The following RAD51B variants were observed in gnomAD, a reference collection of about 807,000 sequenced individuals.
The protein encoded by RAD51B is DNA repair protein RAD51 homolog 2.
In RAD51B, 38 loss-of-function variants were observed where a neutral mutation model predicts 42.2. The ratio of observed to expected loss-of-function variants is 0.90; its 90% CI spans 0.70 to 1.18. The LOEUF is 1.18. RAD51B is among the 50% of genes most tolerant of loss of function. The pLI, the probability that RAD51B is intolerant of heterozygous loss-of-function variation, is 0.00. For missense variants in RAD51B, 373 were observed against 400.7 expected (o/e 0.93, Z 0.59); for synonymous variants, 154 against 145.2 (o/e 1.06, Z -0.43).
intron 11 of RAD51B, among the ~76,000 whole-genome samples, chr14:68,672,206 T>G (rs1200847832): frequency 1.3e-5 from 2 of 152,208 alleles, no homozygotes; most frequent in African/African-American, 2.4e-5. Flanking sequence ...CTGTAACCCC[T>G]GGAACTTTCC....
chr14:67,855,630 A>G (rs2041968981), intron 4 of RAD51B, among the ~76,000 whole-genome samples: 1 of 152,254 alleles, frequency 6.6e-6, no homozygotes, highest in East Asian at 1.9e-4. Context: ...TCAAATGCCT[A>G]TAAGCACGAG....
chr14:68,436,333 T>C (rs2085147338), intron 9 of RAD51B, among the ~76,000 whole-genome samples: 1 of 152,218 alleles, frequency 6.6e-6, no homozygotes, highest in Admixed American at 6.5e-5. Flanking sequence ...TGACTGTAGG[T>C]GTGCAGCTTT....
chr14:68,353,298 T>C (rs764376163), intron 8 of RAD51B, among the ~76,000 whole-genome samples: 2 of 152,126 alleles, frequency 1.3e-5, no homozygotes, highest in African/African-American at 4.8e-5. Context: ...AAGTAATGCA[T>C]TGGGGGTAAT....
chr14:68,363,573 T>C (rs1454773894), intron 8 of RAD51B, among the ~76,000 whole-genome samples: 1 of 152,192 alleles, frequency 6.6e-6, no homozygotes, highest in African/African-American at 2.4e-5. Context: ...TGTGCAGGGC[T>C]CTCCTGCGGC....
At chr14:68,419,429 GA>G (rs34027518) in intron 9 of RAD51B, among the ~76,000 whole-genome samples, 38 of 148,210 alleles carry the variant, frequency 2.6e-4, no homozygotes, top group African/African-American at 4.4e-4. Flanking sequence ...AACTGTGCAG[GA>G]AAAAAAAAAA....
intron 10 of RAD51B, among the ~76,000 whole-genome samples, chr14:68,569,745 C>T (rs760946048): frequency 6.6e-6 from 1 of 152,182 alleles, no homozygotes; most frequent in Non-Finnish European, 1.5e-5. Flanking sequence ...CACGGGCTCT[C>T]GGGTTTGCCA....
chr14:68,427,354 G>A (rs1005908403), intron 9 of RAD51B, among the ~76,000 whole-genome samples: 1 of 152,202 alleles, frequency 6.6e-6, no homozygotes, highest in Non-Finnish European at 1.5e-5. Flanking sequence ...GAAGCAGCAA[G>A]ACTAACCCGT....
downstream of RAD51B, among the ~76,000 whole-genome samples, chr14:68,615,365 A>G (rs577071945): frequency 2.0e-5 from 3 of 149,426 alleles, no homozygotes; most frequent in Non-Finnish European, 4.4e-5. Flanking sequence ...TTTTTTTTTG[A>G]GACGGAGTCT....
chr14:67,850,611 C>T (rs944706028), intron 4 of RAD51B, among the ~76,000 whole-genome samples: 1 of 152,146 alleles, frequency 6.6e-6, no homozygotes, highest in Non-Finnish European at 1.5e-5. Flanking sequence ...AGGTGATAGG[C>T]TAGACTGTGG....
At chr14:68,508,473 C>T (rs1885495228) in intron 10 of RAD51B, among the ~76,000 whole-genome samples, 1 of 152,238 alleles carries the variant, frequency 6.6e-6, no homozygotes, top group Non-Finnish European at 1.5e-5. Flanking sequence ...TAGCTAGAGA[C>T]CGTTGCAGAG....
chr14:68,168,831 TG>T (rs1316988256), intron 7 of RAD51B, among the ~76,000 whole-genome samples: 3 of 152,190 alleles, frequency 2.0e-5, no homozygotes, highest in Non-Finnish European at 4.4e-5. Context: ...AAAACAGCTT[TG>T]TTTTTTTTTC....
intron 7 of RAD51B, among the ~76,000 whole-genome samples, chr14:67,962,813 C>G (rs1004016000): frequency 6.6e-6 from 1 of 152,050 alleles, no homozygotes; most frequent in African/African-American, 2.4e-5. Context: ...GGCAGTACAA[C>G]AGACTGTAAA....
At chr14:68,556,140 C>CT (rs1888831781) in intron 10 of RAD51B, among the ~76,000 whole-genome samples, 2 of 152,164 alleles carry the variant, frequency 1.3e-5, no homozygotes, top group Non-Finnish European at 2.9e-5. Context: ...TCAATGGTTA[C>CT]TTTTTTAAGT....
At chr14:68,293,139 T>G (rs1215737693) in intron 8 of RAD51B, among the ~76,000 whole-genome samples, 1 of 152,212 alleles carries the variant, frequency 6.6e-6, no homozygotes, top group Non-Finnish European at 1.5e-5. Context: ...ACAGTTTCCA[T>G]TCTGCCACTA....
chr14:68,222,968 G>A (rs1327536577), intron 7 of RAD51B, among the ~76,000 whole-genome samples: 1 of 152,104 alleles, frequency 6.6e-6, no homozygotes, highest in Admixed American at 6.5e-5. Flanking sequence ...TCCAGCTCAG[G>A]CTCTTCTCCT....
chr14:68,282,513 T>G (rs910211757), intron 7 of RAD51B, among the ~76,000 whole-genome samples: 1 of 152,222 alleles, frequency 6.6e-6, no homozygotes, highest in Non-Finnish European at 1.5e-5. Context: ...TCTATATTGA[T>G]GTCATTTCTT....
chr14:68,096,676 C>T (rs1046675775), intron 7 of RAD51B, among the ~76,000 whole-genome samples: 3 of 152,270 alleles, frequency 2.0e-5, no homozygotes, highest in East Asian at 1.9e-4. Context: ...CAGGAAACAA[C>T]GATTCATGTT....
chr14:68,079,883 T>A (rs1341727164), intron 7 of RAD51B, among the ~76,000 whole-genome samples: 1 of 152,220 alleles, frequency 6.6e-6, no homozygotes, highest in Non-Finnish European at 1.5e-5. Flanking sequence ...ACAAATCTCC[T>A]GGAAGTCAAA....
intron 7 of RAD51B, among the ~76,000 whole-genome samples, chr14:68,207,504 GAAA>G (rs1462526745): frequency 4.6e-5 from 7 of 152,162 alleles, no homozygotes; most frequent in African/African-American, 1.7e-4. Context: ...AGAGTTAGGA[GAAA>G]ATACATCTAG....
Sources: allele counts gnomAD v4.1 joint callset (sites outside exome capture counted in the v4.1 genomes callset), GRCh38; gene constraint gnomAD v4.1.1; transcripts MANE v1.5; gene names NCBI Gene and HGNC (gene_info 2026-07-23, HGNC 2026-07-21).